Variants in ACYP2 observed in about 807,000 individuals in gnomAD.
ACYP2 encodes the protein acylphosphatase 2, also known as acylphosphatase-2.
ACYP2 carries 12 observed loss-of-function variants against 11.2 expected under a neutral mutation model. That is an observed-to-expected ratio of 1.08 (90% CI 0.69 to 1.74). The LOEUF (loss-of-function observed/expected upper bound fraction) is 1.74, where lower values mean the gene tolerates loss of function less well. Among genes scored for constraint, ACYP2 ranks in the 40% most tolerant of loss-of-function variants. The probability of loss-of-function intolerance (pLI) is 0.00; values close to 1 mark genes in which losing one functional copy is unlikely to be tolerated. For missense variants in ACYP2, 134 were observed against 101.9 expected (o/e 1.31, Z -1.35); for synonymous variants, 43 against 32.2 (o/e 1.33, Z -1.13).
intron 2 of ACYP2, among the ~76,000 whole-genome samples, chr2:53,976,900 T>A (rs1671522318): frequency 6.6e-6 from 1 of 152,206 alleles, no homozygotes; most frequent in Non-Finnish European, 1.5e-5. Context: ...TCTTTTTGTT[T>A]ATTTTTGGGG....
At chr2:54,081,804 A>G (rs1356556989) in intron 4 of ACYP2, among the ~76,000 whole-genome samples, 1 of 152,074 alleles carries the variant, frequency 6.6e-6, no homozygotes, top group African/African-American at 2.4e-5. Flanking sequence ...TCAGTTTCCC[A>G]TGTGTGGCCA....
chr2:54,148,557 C>T (rs1337108299), intron 6 of ACYP2, among the ~76,000 whole-genome samples: 3 of 151,978 alleles, frequency 2.0e-5, no homozygotes, highest in Non-Finnish European at 4.4e-5. Context: ...GGTGGAGATG[C>T]CACTAGGCTC....
At chr2:54,276,428 C>T (rs1688573900) in intron 6 of ACYP2, among the ~76,000 whole-genome samples, 1 of 152,008 alleles carries the variant, frequency 6.6e-6, no homozygotes. Flanking sequence ...CTTGCATTAC[C>T]ATGATGGAGT....
In ACYP2 at chr2:54,036,650, T is replaced by C. The variant is rs371119178; in HGVS notation, c.63-14308T>C. ...GATTTCTCATGGTAAGTTAGTAAAG[T>C]GTCTTCTGATGGTGAATTGGCTTCT... On this transcript the variant is annotated intron_variant, in intron 2 of 6. Coordinates refer to ENST00000607452, the MANE Select transcript of ACYP2 (RefSeq NM_001320586.2). Among the ~76,000 whole-genome samples the C allele has an allele frequency of 6.2e-4, 94 of 152,346 alleles. 1 individual carries two copies. In the East Asian group the frequency reaches 0.015, roughly 25 times the overall value.
intron 2 of ACYP2, among the ~76,000 whole-genome samples, chr2:54,034,068 G>T (rs1674740410): frequency 6.6e-6 from 1 of 152,104 alleles, no homozygotes; most frequent in African/African-American, 2.4e-5. Context: ...CAGGCTTTTT[G>T]GTTTTTGCCA....
chr2:54,242,466 T>A (rs1572981181), intron 6 of ACYP2, among the ~76,000 whole-genome samples: 1 of 152,218 alleles, frequency 6.6e-6, no homozygotes, highest in Non-Finnish European at 1.5e-5. Flanking sequence ...ATTTGATGCT[T>A]TAGGTAAAAT....
intron 2 of ACYP2, among the ~76,000 whole-genome samples, chr2:54,005,856 C>G (rs1573499972): frequency 6.6e-6 from 1 of 152,162 alleles, no homozygotes; most frequent in South Asian, 2.1e-4. Flanking sequence ...GGTTAAAAAT[C>G]ACCAAATAAC....
chr2:54,102,592 C>G (rs1003606423), intron 4 of ACYP2, among the ~76,000 whole-genome samples: 1 of 124,868 alleles, frequency 8.0e-6, no homozygotes, highest in Non-Finnish European at 1.6e-5. Context: ...TTAATCAGAG[C>G]TCATTTAAGT....
intron 4 of ACYP2, among the ~76,000 whole-genome samples, chr2:54,128,702 A>AT (rs1472660157): frequency 4.0e-5 from 6 of 151,358 alleles, no homozygotes; most frequent in Non-Finnish European, 7.4e-5. Flanking sequence ...GATGAAGGTT[A>AT]TTTTTTTTCC....
At chr2:54,218,169 C>T (rs1294967345) in intron 6 of ACYP2, among the ~76,000 whole-genome samples, 1 of 152,130 alleles carries the variant, frequency 6.6e-6, no homozygotes, top group Non-Finnish European at 1.5e-5. Flanking sequence ...TAGTCTTGTT[C>T]TTCATTAAAG....
intron 4 of ACYP2, among the ~76,000 whole-genome samples, chr2:54,076,783 G>A (rs1572700861): frequency 6.6e-6 from 1 of 152,266 alleles, no homozygotes; most frequent in East Asian, 1.9e-4. Context: ...CTAGATCAGG[G>A]CCCCTTAGGA....
At chr2:54,015,661 A>T (rs1441770554) in intron 2 of ACYP2, among the ~76,000 whole-genome samples, 2 of 151,400 alleles carry the variant, frequency 1.3e-5, no homozygotes, top group East Asian at 1.9e-4. Context: ...ACACACACAC[A>T]CACACACACA....
rs77492025 is a variant in ACYP2, at chr2:54,251,001, G to A, written c.405-53687G>A. On this transcript the variant is annotated intron_variant, in intron 6 of 6. Coordinates refer to ENST00000607452, the MANE Select transcript of ACYP2 (RefSeq NM_001320586.2). ...AAGTACATGGTGACGCCAGTCTTCA[G>A]AATAGCATCATCCCTGTTGAACAGC... is the stretch of plus-strand genomic sequence containing the variant. 8.0e-3 allele frequency among the ~76,000 whole-genome samples: 1,218 copies of A among 152,318 alleles called. 16 individuals are homozygous for A. The highest frequency in any genetic ancestry group is 0.028 in the African/African-American group (1,160 of 41,584).
At chr2:54,112,783 G>A (rs2103720797) in intron 4 of ACYP2, among the ~76,000 whole-genome samples, 1 of 152,328 alleles carries the variant, frequency 6.6e-6, no homozygotes, top group African/African-American at 2.4e-5. Context: ...GGCAATCCAT[G>A]CCGAAATGGT....
chr2:54,151,382 A>G (rs1682163629), intron 6 of ACYP2, among the ~76,000 whole-genome samples: 1 of 152,370 alleles, frequency 6.6e-6, no homozygotes, highest in South Asian at 2.1e-4. Flanking sequence ...CTGTGCAACC[A>G]GAGTGGCTAG....
intron 4 of ACYP2, among the ~76,000 whole-genome samples, chr2:54,075,641 C>T (rs545102626): frequency 2.6e-5 from 4 of 152,030 alleles, no homozygotes; most frequent in East Asian, 1.9e-4. Context: ...GGTGAAACCC[C>T]GTCCCTACTA....
At chr2:54,040,554 G>A (rs1675169903) in intron 2 of ACYP2, among the ~76,000 whole-genome samples, 1 of 152,250 alleles carries the variant, frequency 6.6e-6, no homozygotes, top group East Asian at 1.9e-4. Context: ...AAGTTTTGGA[G>A]GTCAGAGAGA....
chr2:54,228,759 C>G (rs1349210383), intron 6 of ACYP2, among the ~76,000 whole-genome samples: 3 of 151,948 alleles, frequency 2.0e-5, no homozygotes, highest in Admixed American at 6.6e-5. Context: ...AAAGTCCATT[C>G]CAACAGGCAC....
chr2:54,072,358 T>C (rs2103650028), intron 4 of ACYP2, among the ~76,000 whole-genome samples: 2 of 152,080 alleles, frequency 1.3e-5, no homozygotes, highest in Non-Finnish European at 2.9e-5. Context: ...CAGGCTGGAG[T>C]GCAGTGGCAT....
Sources: allele counts gnomAD v4.1 joint callset (sites outside exome capture counted in the v4.1 genomes callset), GRCh38; gene constraint gnomAD v4.1.1; transcripts MANE v1.5; gene names NCBI Gene and HGNC (gene_info 2026-07-23, HGNC 2026-07-21).